Variants in NXNL2 observed in about 807,000 individuals in gnomAD.
NXNL2 encodes nucleoredoxin like 2.
In NXNL2, 7 loss-of-function variants were observed where a neutral mutation model predicts 11.1. The observed-to-expected ratio is 0.63, with a 90% CI of 0.36 to 1.18. The LOEUF (loss-of-function observed/expected upper bound fraction) is 1.18. Among genes scored for constraint, NXNL2 ranks in the 50% most tolerant of loss-of-function variants. The probability of loss-of-function intolerance (pLI) is 0.02; values close to 1 mark genes in which losing one functional copy is unlikely to be tolerated. For missense variants in NXNL2, 233 were observed against 217.7 expected, an observed-to-expected ratio of 1.07 and a Z score of -0.44; for synonymous variants, 109 against 101.8, an observed-to-expected ratio of 1.07 and a Z score of -0.42.
intron 1 of NXNL2, among the ~76,000 whole-genome samples, chr9:88,538,113 G>A (rs1829666557): frequency 6.6e-6 from 1 of 152,190 alleles, no homozygotes; most frequent in African/African-American, 2.4e-5. Flanking sequence ...TCAGGGCCCA[G>A]AGGGGATTGA....
chr9:88,582,126 C>G (rs1039576815), intron 1 of NXNL2, among the ~76,000 whole-genome samples: 1 of 152,166 alleles, frequency 6.6e-6, no homozygotes, highest in African/African-American at 2.4e-5. Flanking sequence ...CTCTCTAGTC[C>G]TATATTTGTA....
At chr9:88,583,569 T>C (rs766766166) in intron 1 of NXNL2, among the ~76,000 whole-genome samples, 4 of 152,196 alleles carry the variant, frequency 2.6e-5, no homozygotes, top group Non-Finnish European at 4.4e-5. Context: ...AATCTTAGGA[T>C]GGTGCTGAGA....
At chr9:88,550,312 A>G (rs114933288) in intron 1 of NXNL2, among the ~76,000 whole-genome samples, 2,389 of 152,312 alleles carry the variant, frequency 0.016, 72 homozygotes, top group African/African-American at 0.054. Context: ...TCCAAACTAC[A>G]TCAGTGACCA....
At chr9:88,569,103 A>AT (rs1188081592) in intron 1 of NXNL2, among the ~76,000 whole-genome samples, 4 of 151,396 alleles carry the variant, frequency 2.6e-5, no homozygotes, top group African/African-American at 4.9e-5. Flanking sequence ...ATTTTTTTGT[A>AT]TTTTTTTTGT....
chr9:88,576,292 G>A (rs1002731610), downstream of NXNL2, among the ~76,000 whole-genome samples: 1 of 152,330 alleles, frequency 6.6e-6, no homozygotes, highest in African/African-American at 2.4e-5. Flanking sequence ...AACCCACAGC[G>A]ATGGACCTAG....
intron 1 of NXNL2, among the ~76,000 whole-genome samples, chr9:88,553,391 CT>C (rs1225543486): frequency 3.9e-5 from 6 of 152,086 alleles, no homozygotes; most frequent in Non-Finnish European, 8.8e-5. Flanking sequence ...AAAACCCATG[CT>C]TCTCCTCCCC....
chr9:88,549,552 C>G (rs1034671650), downstream of NXNL2, among the ~76,000 whole-genome samples: 4 of 152,096 alleles, frequency 2.6e-5, no homozygotes, highest in Admixed American at 6.6e-5. Context: ...GAAGGCACCA[C>G]CTCATAGCTT....
Position 88,535,686 on chromosome 9 carries a change from C to A in NXNL2, c.252C>A (p.Arg84=), listed in dbSNP as rs766951124. 2.5e-6 allele frequency: 4 copies of A among 1,602,044 alleles called. No individual in the cohort carries two copies. In the African/African-American group the frequency reaches 5.4e-5, roughly 21 times the overall value. The part of the protein sequence containing the change: ...GSSQEMLDFM[R]ELHGAWLALP... The stretch of plus-strand genomic sequence containing the variant: ...CCCAGGAGATGCTGGACTTCATGCG[C>A]GAGCTGCATGGCGCCTGGCTGGCGC... The change falls in exon 1 of 2, where the codon CGC becomes CGA. Residue 84 remains arginine (R), a synonymous_variant. Coordinates refer to ENST00000375854, the MANE Select transcript of NXNL2 (RefSeq NM_001161625.2).
At chr9:88,583,243 G>A (rs940277031) in intron 1 of NXNL2, among the ~76,000 whole-genome samples, 6 of 152,238 alleles carry the variant, frequency 3.9e-5, no homozygotes, top group African/African-American at 1.2e-4. Context: ...CACTGCAAAC[G>A]TGGATGAAAG....
intron 1 of NXNL2, among the ~76,000 whole-genome samples, chr9:88,560,398 G>A (rs972911459): frequency 3.9e-5 from 6 of 152,038 alleles, no homozygotes; most frequent in African/African-American, 9.6e-5. Context: ...ACTTGTCATC[G>A]GAAAAATGGA....
intron 1 of NXNL2, among the ~76,000 whole-genome samples, chr9:88,569,761 G>A (rs902529014): frequency 7.9e-5 from 12 of 152,160 alleles, no homozygotes; most frequent in South Asian, 2.1e-4. Context: ...TGTGTTAATA[G>A]ATTCTTAATT....
chr9:88,552,441 T>C (rs1829948256), intron 1 of NXNL2, among the ~76,000 whole-genome samples: 1 of 151,832 alleles, frequency 6.6e-6, no homozygotes, highest in Non-Finnish European at 1.5e-5. Flanking sequence ...CAAAATGCCA[T>C]GTGAATCTAG....
At chr9:88,537,998 G>A (rs758556235) in intron 1 of NXNL2, among the ~76,000 whole-genome samples, 18 of 152,198 alleles carry the variant, frequency 1.2e-4, no homozygotes, top group Non-Finnish European at 2.5e-4. Flanking sequence ...TGAGGACAAG[G>A]AGGAACTGGG....
At chr9:88,571,072 T>TC in intron 1 of NXNL2, 2 of 216,920 alleles carry the variant, frequency 9.2e-6, no homozygotes, top group African/African-American at 3.8e-5. Flanking sequence ...CTTTCTTTTC[T>TC]TTTTTTTTTT....
At chr9:88,579,154 A>C (rs1178533588), downstream of NXNL2, among the ~76,000 whole-genome samples, 1 of 152,150 alleles carries the variant, frequency 6.6e-6, no homozygotes, top group Non-Finnish European at 1.5e-5. Flanking sequence ...TCCTGTCTTC[A>C]CTACCCCACT....
At chr9:88,577,550 T>C (rs528135176), downstream of NXNL2, among the ~76,000 whole-genome samples, 1 of 152,166 alleles carries the variant, frequency 6.6e-6, no homozygotes, top group Non-Finnish European at 1.5e-5. Context: ...TGGTTTCTGA[T>C]GAAGGCCTGC....
intron 2 of NXNL2, among the ~76,000 whole-genome samples, chr9:88,572,122 G>A (rs1374471818): frequency 1.3e-5 from 2 of 152,108 alleles, no homozygotes; most frequent in Admixed American, 6.5e-5. Context: ...TCCTGTTGGC[G>A]TGTCCCTAAA....
chr9:88,582,244 C>T (rs1044493209), intron 1 of NXNL2, among the ~76,000 whole-genome samples: 13 of 152,054 alleles, frequency 8.5e-5, no homozygotes, highest in South Asian at 2.1e-4. Context: ...TTTGTGAGGC[C>T]GAGGTGGGCG....
chr9:88,567,813 C>A (rs2118522132), intron 1 of NXNL2, among the ~76,000 whole-genome samples: 1 of 152,306 alleles, frequency 6.6e-6, no homozygotes, highest in Non-Finnish European at 1.5e-5. Flanking sequence ...TGGGGAGCAG[C>A]CCAGACTCCA....
Sources: allele counts gnomAD v4.1 joint callset (sites outside exome capture counted in the v4.1 genomes callset), GRCh38; gene constraint gnomAD v4.1.1; transcripts MANE v1.5; gene names NCBI Gene and HGNC (gene_info 2026-07-23, HGNC 2026-07-21).